Variants in PTGIS observed in about 807,000 individuals in gnomAD.
The protein encoded by PTGIS is prostacyclin synthase.
Under a neutral mutation model 50.3 loss-of-function variants are expected in PTGIS, and 45 were observed. That is an observed-to-expected ratio of 0.90 (90% confidence interval 0.70 to 1.15). The LOEUF (loss-of-function observed/expected upper bound fraction) is 1.15, where lower values mean the gene tolerates loss of function less well. Among genes scored for constraint, PTGIS ranks in the 50% most tolerant of loss-of-function variants. The pLI is 0.00. For synonymous variants in PTGIS, 260 were observed against 267.7 expected (o/e 0.97, Z 0.28); for missense variants, 668 against 661.3 (o/e 1.01, Z -0.11).
intron 9 of PTGIS, among the ~76,000 whole-genome samples, 200 bp from the exon 10 acceptor site, chr20:49,508,264 A>G (rs972397191): frequency 9.2e-5 from 14 of 152,294 alleles, no homozygotes; most frequent in Admixed American, 6.5e-5. Context: ...AGGCCCGTGG[A>G]TGAGTTCTGG....
At chr20:49,522,148 T>G (rs543367225) in intron 6 of PTGIS, among the ~76,000 whole-genome samples, 1 of 152,126 alleles carries the variant, frequency 6.6e-6, no homozygotes, top group Non-Finnish European at 1.5e-5. Flanking sequence ...TCCCTCACTC[T>G]GCTTCAGCTG....
At chr20:49,520,019 A>G (rs1981607147) in intron 6 of PTGIS, among the ~76,000 whole-genome samples, 1 of 151,684 alleles carries the variant, frequency 6.6e-6, no homozygotes, top group Non-Finnish European at 1.5e-5. Flanking sequence ...TCTAAAGCGA[A>G]AGACAGGCCA....
intron 5 of PTGIS, among the ~76,000 whole-genome samples, chr20:49,535,574 C>T (rs575727209): frequency 2.0e-5 from 3 of 152,260 alleles, no homozygotes; most frequent in South Asian, 4.1e-4. Context: ...AGTGCAGTGG[C>T]GTGATCTTGG....
Position 49,503,940 on chromosome 20 carries a change from G to T in PTGIS, c.*3980C>A, listed in dbSNP as rs2122826258. The T allele has an allele frequency of 6.6e-6, 1 of 152,348 alleles. No individual in the cohort carries two copies. Among genetic ancestry groups the T allele is most frequent in the Non-Finnish European group, 1.5e-5 (1 of 68,036 alleles). The allele number at this position is 152,348 out of a possible 1,614,324, so 9.4% of individuals were successfully genotyped here. On this transcript the variant is annotated 3_prime_UTR_variant, in exon 10 of 10. Coordinates refer to ENST00000244043, the MANE Select transcript of PTGIS (RefSeq NM_000961.4). ...CACTTGACAATGTTATACGAAAATA[G>T]AATCTTTATTAAAATAGCAAGGCAT... is the stretch of plus-strand genomic sequence containing the variant.
At chr20:49,549,198 G>A (rs142589619) in intron 2 of PTGIS, among the ~76,000 whole-genome samples, 54 of 152,238 alleles carry the variant, frequency 3.5e-4, no homozygotes, top group Admixed American at 2.9e-3. Flanking sequence ...ATGGAGGATT[G>A]GTTCCAGGAC....
At chr20:49,563,459 A>G (rs768995517) in intron 1 of PTGIS, among the ~76,000 whole-genome samples, 7 of 152,248 alleles carry the variant, frequency 4.6e-5, no homozygotes, top group Non-Finnish European at 7.3e-5. Context: ...GAGGAAGTAC[A>G]GTGGTAACTA....
chr20:49,536,478 C>CTTTTTT (rs761478359), intron 5 of PTGIS, among the ~76,000 whole-genome samples: 139 of 108,574 alleles, frequency 1.3e-3, no homozygotes, highest in African/African-American at 3.7e-3. Flanking sequence ...TTCTTTCTTT[C>CTTTTTT]TTTTTTTTTT....
chr20:49,537,637 C>T (rs1982114558), intron 5 of PTGIS, among the ~76,000 whole-genome samples: 1 of 152,132 alleles, frequency 6.6e-6, no homozygotes, highest in Non-Finnish European at 1.5e-5. Flanking sequence ...TGCCTGTAAT[C>T]CCAGCTACTC....
rs564432998 is a variant in PTGIS, at chr20:49,565,224, G to A, written c.74+2819C>T. ...TCTCGATCTCCTGACCTCGTGATCC[G>A]CCCTCCCGGCCATTGTCCTTCTTTA... On this transcript the variant is annotated intron_variant, in intron 1 of 9. Coordinates refer to ENST00000244043, the MANE Select transcript of PTGIS (RefSeq NM_000961.4). Among the ~76,000 whole-genome samples, 7 of 151,642 alleles carry A rather than the reference G, an allele frequency of 4.6e-5. No homozygotes were observed. The South Asian group carries it at 8.3e-4, about 18-fold the overall frequency.
chr20:49,547,707 G>T, intron 3 of PTGIS, 134 bp downstream of exon 3: 4 of 1,043,862 alleles, frequency 3.8e-6, no homozygotes, highest in South Asian at 2.6e-5. Flanking sequence ...TTTTTGTTTT[G>T]TTTCTGTTTG....
chr20:49,516,225 A>G lies in PTGIS; in HGVS notation c.856-1830T>C, dbSNP rs894830124. Among the ~76,000 whole-genome samples, 35 of 152,162 alleles carry G rather than the reference A, an allele frequency of 2.3e-4. 1 individual carries two copies. The highest frequency in any genetic ancestry group is 1.8e-3 in the Admixed American group (27 of 15,284). ...ACAGAAGCTGGGAAGACAAGAGGAT[A>G]AGGAGGAAGGAGGCTGACTTTCCTT... On this transcript the variant is annotated intron_variant, in intron 6 of 9. Transcript: ENST00000244043.
At position 49,506,002 on chromosome 20, in the gene PTGIS, C is replaced by T. The variant is rs1981142231; in HGVS notation, c.*1918G>A. 1 of 152,656 alleles carries T rather than the reference C, an allele frequency of 6.6e-6. No homozygotes were observed. Among genetic ancestry groups the T allele is most frequent in the Non-Finnish European group, 1.5e-5 (1 of 68,072 alleles). The allele number at this position is 152,656 out of a possible 1,614,324, so 9.5% of individuals were successfully genotyped here. On this transcript the variant is annotated 3_prime_UTR_variant, in exon 10 of 10. Coordinates refer to ENST00000244043, the MANE Select transcript of PTGIS (RefSeq NM_000961.4). ...TCATTATGTGTCTTACAAGATGTACCCAAGTTTAGGTGCCTCTGGCTCTGT... is the reference window on the plus strand; with the variant it reads ...TCATTATGTGTCTTACAAGATGTACTCAAGTTTAGGTGCCTCTGGCTCTGT...
At chr20:49,509,881 C>CTTTTTTTTTTTTTTT (rs11337451) in intron 9 of PTGIS, among the ~76,000 whole-genome samples, 1 of 93,366 alleles carries the variant, frequency 1.1e-5, no homozygotes, top group Admixed American at 1.2e-4. Flanking sequence ...TTCTTTCTTT[C>CTTTTTTTTTTTTTTT]TTTTTTTTTT....
At chr20:49,519,694 T>C (rs1301440024) in intron 6 of PTGIS, among the ~76,000 whole-genome samples, 1 of 152,022 alleles carries the variant, frequency 6.6e-6, no homozygotes, top group Non-Finnish European at 1.5e-5. Context: ...AAATTCAACA[T>C]ACCCAAAGCC....
At chr20:49,566,824 G>A (rs1982910944) in intron 1 of PTGIS, among the ~76,000 whole-genome samples, 1 of 152,176 alleles carries the variant, frequency 6.6e-6, no homozygotes, top group African/African-American at 2.4e-5. Flanking sequence ...GAACAAAAGA[G>A]GACAGTAATG....
chr20:49,547,953 C>T lies in PTGIS; in HGVS notation c.265G>A (p.Glu89Lys), dbSNP rs1203670073. Residue 89 changes from glutamate to lysine, a missense_variant, in exon 3 of 10, where the codon GAG (glutamate) becomes AAG (lysine). Physicochemically the swap from Glu to Lys is moderately conservative, Grantham distance 56. Transcript: ENST00000244043. ...DPHSYDAVVWEPRTRLDFHAY... is the reference protein window; with the variant it reads ...DPHSYDAVVWKPRTRLDFHAY... The stretch of plus-strand genomic sequence containing the variant: ...TGGAAGTCGAGCCTGGTGCGAGGCT[C>T]CCACACCACCGCGTCGTAGGAGTGT... The T allele has an allele frequency of 1.2e-6, 2 of 1,614,122 alleles. No homozygotes were observed. The highest frequency in any genetic ancestry group is 1.7e-6 in the Non-Finnish European group (2 of 1,180,004).
intron 1 of PTGIS, among the ~76,000 whole-genome samples, chr20:49,565,124 C>T (rs559487579): frequency 1.4e-4 from 21 of 144,944 alleles, no homozygotes; most frequent in Middle Eastern, 3.5e-3. Flanking sequence ...GCGCCTGCCA[C>T]CACGCCCGGC....
intron 5 of PTGIS, among the ~76,000 whole-genome samples, chr20:49,525,946 C>T (rs770519980): frequency 1.6e-4 from 25 of 152,174 alleles, no homozygotes; most frequent in Non-Finnish European, 2.8e-4. Context: ...TCAAATAATA[C>T]GCTGAATATG....
At chr20:49,567,015 G>T (rs970057947) in intron 1 of PTGIS, among the ~76,000 whole-genome samples, 1 of 152,068 alleles carries the variant, frequency 6.6e-6, no homozygotes. Flanking sequence ...TCCCAAACTA[G>T]TCTCAAATAA....
Sources: gnomAD v4.1 joint callset for allele counts (sites outside exome capture counted in the v4.1 genomes callset) on GRCh38, gnomAD v4.1.1 for gene constraint, MANE v1.5 for transcripts, NCBI Gene and HGNC (gene_info 2026-07-23, HGNC 2026-07-21) for gene names.